Variants in TAF1 observed in about 807,000 individuals in gnomAD.
The protein encoded by TAF1 is transcription initiation factor TFIID subunit 1.
A neutral mutation model predicts 138.5 loss-of-function variants in TAF1; 2 were observed. The ratio of observed to expected loss-of-function variants is 0.01; its 90% CI spans 0.01 to 0.05. The LOEUF is 0.05. TAF1 is among the 10% of genes least tolerant of loss of function. The probability of loss-of-function intolerance (pLI) is 1.00; values close to 1 mark genes in which losing one functional copy is unlikely to be tolerated. For missense variants in TAF1, 709 were observed against 1,478.0 expected, an observed-to-expected ratio of 0.48 and a Z score of 8.53; for synonymous variants, 437 against 503.2, an observed-to-expected ratio of 0.87 and a Z score of 1.76.
At chrX:71,432,499 CTTT>C (rs200161016) in intron 32 of TAF1, among the ~76,000 whole-genome samples, 1 of 97,363 alleles carries the variant, frequency 1.0e-5, no homozygotes, top group Non-Finnish European at 2.1e-5. Flanking sequence ...AAGATGGAGA[CTTT>C]TTTTTTTTTT....
intron 29 of TAF1, among the ~76,000 whole-genome samples, chrX:71,421,870 C>T (rs2036361212): frequency 8.9e-6 from 1 of 112,196 alleles, no homozygotes; most frequent in Non-Finnish European, 1.9e-5. Context: ...ATGAAGTAGA[C>T]ATTTCACAAA....
chrX:71,424,211 A>C lies in TAF1; in HGVS notation c.4726A>C (p.Ile1576Leu). The change falls in exon 32 of 38, where the codon ATT becomes CTT. Residue 1576 changes from isoleucine (I) to leucine (L), a missense_variant. Transcript: ENST00000423759. ...RESFLDDVNL[I>L]LANSVKYNGP... is the part of the protein sequence containing the mutation. ...GAGCTTTCTGGATGATGTAAACCTT[A>C]TTCTGGCCAACAGTGTTAAGTATAA... The C allele has an allele frequency of 8.3e-7, 1 of 1,207,880 alleles. No individual in the cohort carries two copies. Among genetic ancestry groups the C allele is most frequent in the Non-Finnish European group, 1.1e-6 (1 of 893,111 alleles).
At chrX:71,422,827 C>T (rs766846150) in intron 29 of TAF1, among the ~76,000 whole-genome samples, 1 of 111,224 alleles carries the variant, frequency 9.0e-6, no homozygotes, top group Non-Finnish European at 1.9e-5. Context: ...GCAAGCTCCA[C>T]CTCCCAGATT....
chrX:71,443,045 G>A (rs2037508155), intron 32 of TAF1, among the ~76,000 whole-genome samples: 1 of 112,047 alleles, frequency 8.9e-6, no homozygotes, highest in Admixed American at 9.5e-5. Context: ...CCAGTACCAT[G>A]CTGTTTTGGT....
rs186334638 is a variant in TAF1 at position 71,412,440 on chromosome X, T to A, written c.4384+4289T>A. Among the ~76,000 whole-genome samples, 478 of 112,002 alleles carry A rather than the reference T, an allele frequency of 4.3e-3. 1 individual carries two copies. Among genetic ancestry groups the A allele is most frequent in the Middle Eastern group, 0.019 (4 of 215 alleles). On this transcript the variant is annotated intron_variant, in intron 28 of 37. Transcript: ENST00000423759. The stretch of plus-strand genomic sequence containing the variant: ...CATTGTGCCCAACCTCATTTTTTTT[T>A]AATCATGTAATACTCCATTGTATGG...
At chrX:71,487,984 T>G (rs1043049932) in intron 13 of TAF1, among the ~76,000 whole-genome samples, 1 of 112,160 alleles carries the variant, frequency 8.9e-6, no homozygotes, top group Non-Finnish European at 1.9e-5. Context: ...TTGGAAACAG[T>G]TTGACCTTTT....
intron 13 of TAF1, among the ~76,000 whole-genome samples, chrX:71,499,996 CA>C (rs781642793): frequency 9.0e-6 from 1 of 111,144 alleles, no homozygotes; most frequent in Non-Finnish European, 1.9e-5. Context: ...CCGGGTTGGG[CA>C]AAATTCCCCT....
At chrX:71,440,857 A>G (rs1378417905) in intron 32 of TAF1, among the ~76,000 whole-genome samples, 1 of 110,960 alleles carries the variant, frequency 9.0e-6, no homozygotes, top group Non-Finnish European at 1.9e-5. Context: ...TGTTTTTCTA[A>G]TGGCTAATGA....
chrX:71,483,322 C>CTACTCATCCAT (rs1485356347), intron 13 of TAF1, among the ~76,000 whole-genome samples: 2 of 108,821 alleles, frequency 1.8e-5, no homozygotes, highest in Non-Finnish European at 1.9e-5. Flanking sequence ...CCATAAGAAG[C>CTACTCATCCAT]AACTACTCAT....
At chrX:71,420,610 C>T in intron 28 of TAF1, 1 of 1,208,800 alleles carries the variant, frequency 8.3e-7, no homozygotes, top group South Asian at 1.8e-5. Context: ...CAGCTTCTTC[C>T]TCCATCTCCC....
At chrX:71,529,042 C>G (rs2040053184) in intron 14 of TAF1, among the ~76,000 whole-genome samples, 1 of 110,262 alleles carries the variant, frequency 9.1e-6, no homozygotes, top group Admixed American at 9.7e-5. Context: ...AATCCTTTAG[C>G]TAGAAACAGA....
intron 13 of TAF1, among the ~76,000 whole-genome samples, chrX:71,475,972 ACC>A (rs900063070): frequency 9.0e-6 from 1 of 111,248 alleles, no homozygotes; most frequent in African/African-American, 3.3e-5. Flanking sequence ...TCCCGCTTTC[ACC>A]ATGTAACATG....
intron 28 of TAF1, among the ~76,000 whole-genome samples, chrX:71,409,193 T>C (rs765570111): frequency 1.8e-5 from 2 of 110,437 alleles, no homozygotes; most frequent in South Asian, 7.6e-4. Flanking sequence ...AATCTGTTTG[T>C]CTTTTTTTTT....
Position 71,483,656 on chromosome X carries a change from A to T in TAF1, c.1366+22853A>T, listed in dbSNP as rs1187577031. 1.0e-4 allele frequency among the ~76,000 whole-genome samples: 11 copies of T among 106,789 alleles called. No homozygotes were observed. The Admixed American group carries it at 1.1e-3, about 11-fold the overall frequency. 92.7% of individuals were successfully genotyped at this position (106,789 alleles called of 115,157 possible). A position where few individuals can be genotyped will look rare whatever the true frequency, so the allele number is the denominator to read the frequency against. On this transcript the variant is annotated intron_variant and NMD_transcript_variant, in intron 13 of 14. Transcript: ENST00000373775. The stretch of plus-strand genomic sequence containing the variant: ...GTGTGGCTCTTCCTTTCACTTGGAC[A>T]CTTAGAGGTGGATAAGGGAAACCTC...
At chrX:71,399,154 A>G (rs2035019350) in intron 24 of TAF1, among the ~76,000 whole-genome samples, 1 of 110,307 alleles carries the variant, frequency 9.1e-6, no homozygotes, top group Admixed American at 9.8e-5. Flanking sequence ...TGCCCAGGCT[A>G]GTCTCAAACT....
At chrX:71,472,480 C>T (rs1242157190) in intron 13 of TAF1, among the ~76,000 whole-genome samples, 1 of 111,735 alleles carries the variant, frequency 8.9e-6, no homozygotes, top group Non-Finnish European at 1.9e-5. Flanking sequence ...CGCCTGTAAT[C>T]CCAGCACAGG....
intron 34 of TAF1, 59 bp downstream of exon 34, chrX:71,454,916 G>A: frequency 8.3e-7 from 1 of 1,197,860 alleles, no homozygotes; most frequent in Non-Finnish European, 1.1e-6. Flanking sequence ...GGGAAATTGG[G>A]AGCATGTTAA....
At chrX:71,457,849 A>G (rs766014972) in intron 34 of TAF1, among the ~76,000 whole-genome samples, 2 of 112,556 alleles carry the variant, frequency 1.8e-5, no homozygotes, top group South Asian at 7.3e-4. Context: ...TCTTGTTGGA[A>G]TTGAAATTCC....
intron 13 of TAF1, among the ~76,000 whole-genome samples, chrX:71,473,339 G>A (rs2038922974): frequency 9.1e-6 from 1 of 110,185 alleles, no homozygotes; most frequent in African/African-American, 3.3e-5. Context: ...CAGGTGAGGT[G>A]GGGTGAGGAT....
Sources: gnomAD v4.1 joint callset for allele counts (sites outside exome capture counted in the v4.1 genomes callset) on GRCh38, gnomAD v4.1.1 for gene constraint, MANE v1.5 for transcripts, NCBI Gene and HGNC (gene_info 2026-07-23, HGNC 2026-07-21) for gene names.